The following SGCZ variants were observed in gnomAD, a reference collection of about 807,000 sequenced individuals.
SGCZ encodes the protein sarcoglycan zeta, also known as zeta-sarcoglycan.
A neutral mutation model predicts 41.3 loss-of-function variants in SGCZ; 40 were observed. The ratio of observed to expected loss-of-function variants is 0.97; its 90% CI spans 0.75 to 1.26. SGCZ has a LOEUF of 1.26. Among genes scored for constraint, SGCZ ranks in the 50% most tolerant of loss-of-function variants. The pLI is 0.00. For missense variants in SGCZ, 552 were observed against 369.8 expected, an observed-to-expected ratio of 1.49 and a Z score of -4.04; for synonymous variants, 206 against 137.5, an observed-to-expected ratio of 1.50 and a Z score of -3.49.
At chr8:14,593,343 T>A (rs898071288) in intron 1 of SGCZ, among the ~76,000 whole-genome samples, 1 of 152,114 alleles carries the variant, frequency 6.6e-6, no homozygotes, top group Admixed American at 6.6e-5. Flanking sequence ...CTTTAGAAGC[T>A]GAAAAAGGAC....
At chr8:14,110,842 C>G (rs968982537) in intron 5 of SGCZ, among the ~76,000 whole-genome samples, 2 of 152,072 alleles carry the variant, frequency 1.3e-5, no homozygotes, top group Admixed American at 1.3e-4. Context: ...CACTTGAGGG[C>G]AGGAGTTCCA....
chr8:14,358,901 A>G (rs1803400232), intron 2 of SGCZ, among the ~76,000 whole-genome samples: 1 of 152,038 alleles, frequency 6.6e-6, no homozygotes, highest in African/African-American at 2.4e-5. Flanking sequence ...GAGCCACTGC[A>G]CCTGGCCAGG....
Position 14,738,989 on chromosome 8 carries a change from G to C in SGCZ, c.40-184063C>G, listed in dbSNP as rs149518618. Among the ~76,000 whole-genome samples the C allele has an allele frequency of 5.4e-3, 814 of 152,138 alleles. 3 individuals carry two copies. The highest frequency in any genetic ancestry group is 7.3e-3 in the Non-Finnish European group (497 of 67,978). The stretch of plus-strand genomic sequence containing the variant: ...TGGCTAAAGGGTTGACAAGGGACCT[G>C]AAAGAATATACATGCATTATCAGGG... On this transcript the variant is annotated intron_variant, in intron 1 of 7. Coordinates refer to ENST00000382080, the MANE Select transcript of SGCZ (RefSeq NM_139167.4).
intron 4 of SGCZ, among the ~76,000 whole-genome samples, chr8:14,200,670 G>C (rs888470491): frequency 2.6e-5 from 4 of 152,040 alleles, no homozygotes; most frequent in African/African-American, 9.7e-5. Context: ...GAAAAAATAA[G>C]TCAAAATAGA....
intron 1 of SGCZ, among the ~76,000 whole-genome samples, chr8:14,836,285 T>G (rs1419631683): frequency 6.6e-6 from 1 of 152,192 alleles, no homozygotes; most frequent in Non-Finnish European, 1.5e-5. Flanking sequence ...AATTCTGAAA[T>G]TCAATATTCT....
Position 15,014,051 on chromosome 8 carries a change from A to T in SGCZ, c.39+223534T>A, listed in dbSNP as rs7817481. ...TCCACTCAGTTTATCAGGATTAGTG[A>T]GAATAATAAATGCTGTTTGTTTGCT... On this transcript the variant is annotated intron_variant, in intron 1 of 7. Transcript: ENST00000382080. Among the ~76,000 whole-genome samples, 5 of 152,110 alleles carry T rather than the reference A, an allele frequency of 3.3e-5. No individual in the cohort carries two copies. The South Asian group carries it at 8.3e-4, about 25-fold the overall frequency.
intron 1 of SGCZ, among the ~76,000 whole-genome samples, chr8:14,704,297 C>A (rs1585195892): frequency 6.6e-6 from 1 of 151,924 alleles, no homozygotes; most frequent in South Asian, 2.1e-4. Flanking sequence ...TTTAACATAG[C>A]TATTTTTTAT....
At chr8:14,878,041 A>G (rs906590886) in intron 1 of SGCZ, among the ~76,000 whole-genome samples, 1 of 152,108 alleles carries the variant, frequency 6.6e-6, no homozygotes. Context: ...CAAGTAAATG[A>G]CAGGGATGTT....
At chr8:15,099,580 A>G (rs1458193082) in intron 1 of SGCZ, among the ~76,000 whole-genome samples, 1 of 152,174 alleles carries the variant, frequency 6.6e-6, no homozygotes, top group Non-Finnish European at 1.5e-5. Flanking sequence ...AAAATAATTG[A>G]AGAGGAGGAA....
chr8:14,695,298 A>G (rs1046314586), intron 1 of SGCZ, among the ~76,000 whole-genome samples: 3 of 152,200 alleles, frequency 2.0e-5, no homozygotes, highest in Admixed American at 2.0e-4. Flanking sequence ...ACCATAAAGA[A>G]AAGTAGAAAA....
chr8:14,396,170 G>A (rs535113039), intron 2 of SGCZ, among the ~76,000 whole-genome samples: 221 of 152,184 alleles, frequency 1.5e-3, no homozygotes, highest in Non-Finnish European at 2.6e-3. Context: ...TGACTGGGAA[G>A]ATTATTTAAG....
At chr8:14,228,094 T>G (rs989818860) in intron 4 of SGCZ, among the ~76,000 whole-genome samples, 6 of 152,050 alleles carry the variant, frequency 3.9e-5, no homozygotes, top group African/African-American at 1.4e-4. Context: ...CTCCAGATGT[T>G]TTCAGATAAT....
At chr8:14,183,997 C>G (rs1248138404) in intron 4 of SGCZ, among the ~76,000 whole-genome samples, 2 of 151,870 alleles carry the variant, frequency 1.3e-5, no homozygotes, top group East Asian at 3.9e-4. Context: ...AATACAAGGC[C>G]AATATATAAA....
At chr8:14,403,406 G>A (rs1249367869) in intron 2 of SGCZ, among the ~76,000 whole-genome samples, 1 of 151,472 alleles carries the variant, frequency 6.6e-6, no homozygotes, top group East Asian at 1.9e-4. Context: ...TGCCCATTCA[G>A]TATGATATTG....
At position 15,237,606 on chromosome 8, in the gene SGCZ, G is replaced by A. The variant is rs1237205029; in HGVS notation, c.18C>T (p.Asn6=). 17 of 1,590,372 alleles carry A rather than the reference G, an allele frequency of 1.1e-5. No individual in the cohort carries two copies. The African/African-American group carries it at 1.7e-4, about 16-fold the overall frequency. MDRST[N]LDIEELKMTR... Reference sequence around the variant, plus strand: ...GTACCTTGAGCTCCTCAATGTCCAGGTTCGTTGATCTGTCCATGGAGCGCA... The same window carrying A: ...GTACCTTGAGCTCCTCAATGTCCAGATTCGTTGATCTGTCCATGGAGCGCA... The change falls in exon 1 of 8, where the codon AAC becomes AAT. Residue 6 remains asparagine, a synonymous_variant. Transcript: ENST00000382080.
intron 3 of SGCZ, among the ~76,000 whole-genome samples, chr8:14,241,345 T>C (rs1205226404): frequency 6.6e-6 from 1 of 151,084 alleles, no homozygotes; most frequent in Non-Finnish European, 1.5e-5. Flanking sequence ...TAATCAGATA[T>C]TTAAGTTATG....
At chr8:14,795,408 A>G (rs1192333262) in intron 1 of SGCZ, among the ~76,000 whole-genome samples, 2 of 150,230 alleles carry the variant, frequency 1.3e-5, no homozygotes, top group Admixed American at 6.8e-5. Context: ...TCACCTGAGT[A>G]AATATATTCA....
At chr8:14,991,635 C>G (rs558767420) in intron 1 of SGCZ, among the ~76,000 whole-genome samples, 1 of 152,102 alleles carries the variant, frequency 6.6e-6, no homozygotes, top group Non-Finnish European at 1.5e-5. Context: ...TTCTAGAATT[C>G]CTTGTGTTAG....
chr8:14,480,746 G>A (rs190212913), intron 2 of SGCZ, among the ~76,000 whole-genome samples: 24 of 151,850 alleles, frequency 1.6e-4, no homozygotes, highest in East Asian at 1.4e-3. Context: ...TGACAATAAA[G>A]AATATATTTA....
Sources: gnomAD v4.1 joint callset for allele counts (sites outside exome capture counted in the v4.1 genomes callset) on GRCh38, gnomAD v4.1.1 for gene constraint, MANE v1.5 for transcripts, NCBI Gene and HGNC (gene_info 2026-07-23, HGNC 2026-07-21) for gene names.